The following CUBN variants were observed in gnomAD, a reference collection of about 807,000 sequenced individuals.
CUBN encodes 460 kDa receptor.
A neutral mutation model predicts 405.3 loss-of-function variants in CUBN; 282 were observed. The observed-to-expected ratio is 0.70, with a 90% CI of 0.63 to 0.77. The LOEUF (loss-of-function observed/expected upper bound fraction) is 0.77. CUBN is among the 30% of genes least tolerant of loss of function. CUBN has a pLI of 0.00. For synonymous variants in CUBN, 1,684 were observed against 1,617.0 expected (o/e 1.04, Z -0.99); for missense variants, 4,514 against 4,475.2 (o/e 1.01, Z -0.25).
intron 8 of CUBN, among the ~76,000 whole-genome samples, chr10:17,112,153 A>G: frequency 6.6e-6 from 1 of 152,280 alleles, no homozygotes; most frequent in East Asian, 1.9e-4. Flanking sequence ...TAAAATTATA[A>G]GAATTCTTAA....
chr10:17,108,576 T>C (rs1588647738), intron 10 of CUBN, among the ~76,000 whole-genome samples: 1 of 152,088 alleles, frequency 6.6e-6, no homozygotes, highest in East Asian at 1.9e-4. Context: ...ATGCTACGGA[T>C]AAAAAATACA....
At position 16,952,280 on chromosome 10, in the gene CUBN, A is replaced by G; in HGVS notation, c.4965T>C (p.Pro1655=). ...TTTTTCATTTTTGTTACTTACATGGAGGTTGCGCTTGAATGATCCAGCTGC... is the reference window on the plus strand; with the variant it reads ...TTTTTCATTTTTGTTACTTACATGGGGGTTGCGCTTGAATGATCCAGCTGC... The part of the protein sequence containing the change: ...QNCSWIIQAQ[P]PLNHITLSFT... The change falls in exon 33 of 67, where the codon CCT becomes CCC. Residue 1655 remains proline (P), a synonymous_variant. Transcript: ENST00000377833. 6.2e-7 allele frequency: 1 copy of G among 1,609,352 alleles called. No homozygotes were observed. Among genetic ancestry groups the G allele is most frequent in the Non-Finnish European group, 8.5e-7 (1 of 1,175,946 alleles).
chr10:17,119,299 C>T lies in CUBN; in HGVS notation c.593+3496G>A, dbSNP rs182829616. Among the ~76,000 whole-genome samples the T allele has an allele frequency of 1.9e-4, 29 of 152,294 alleles. No homozygotes were observed. The East Asian group carries it at 4.6e-3, about 24-fold the overall frequency. On this transcript the variant is annotated intron_variant, in intron 6 of 66. Transcript: ENST00000377833. ...CTGGAAAGCCTTCTAGATCTGAGCC[C>T]TAAATGTACAACACACACCATCCAT... is the stretch of plus-strand genomic sequence containing the variant.
intron 31 of CUBN, among the ~76,000 whole-genome samples, chr10:16,956,682 T>C (rs1292883403): frequency 6.6e-6 from 1 of 152,148 alleles, no homozygotes; most frequent in African/African-American, 2.4e-5. Flanking sequence ...AGTTTTAATA[T>C]CAAAGGATAA....
chr10:17,098,749 AT>A (rs1372645218), intron 14 of CUBN, among the ~76,000 whole-genome samples: 1 of 152,222 alleles, frequency 6.6e-6, no homozygotes, highest in Non-Finnish European at 1.5e-5. Context: ...AAAATCAAAT[AT>A]TTAAAAAATA....
chr10:16,940,132 G>A lies in CUBN; in HGVS notation c.5448C>T (p.Phe1816=), dbSNP rs1489553914. 4 of 1,613,970 alleles carry A rather than the reference G, an allele frequency of 2.5e-6. No individual in the cohort carries two copies. The highest frequency in any genetic ancestry group is 4.5e-5 in the East Asian group (2 of 44,896). The change falls in exon 37 of 67, where the codon TTC becomes TTT. Residue 1816 remains phenylalanine (F), a synonymous_variant. Coordinates refer to ENST00000377833, the MANE Select transcript of CUBN (RefSeq NM_001081.4). The stretch of plus-strand genomic sequence containing the variant: ...CAACGATGGAAGAATAATTGAGAGG[G>A]AAGGAGTTTCCACAGTATCGTCCCA... The part of the protein sequence containing the change: ...HLVGRYCGNS[F]PLNYSSIVGH...
chr10:17,119,375 G>A (rs1269722802), intron 6 of CUBN, among the ~76,000 whole-genome samples: 1 of 152,026 alleles, frequency 6.6e-6, no homozygotes, highest in African/African-American at 2.4e-5. Flanking sequence ...AGTAAGCAGG[G>A]GAGGCTGGGC....
chr10:17,006,584 A>G (rs893204244), intron 28 of CUBN, among the ~76,000 whole-genome samples: 2 of 152,186 alleles, frequency 1.3e-5, no homozygotes, highest in Non-Finnish European at 2.9e-5. Context: ...ACTCGAGAGA[A>G]AGAGACCTGG....
At chr10:16,949,462 TG>T (rs1564442058) in intron 34 of CUBN, among the ~76,000 whole-genome samples, 4 of 70,796 alleles carry the variant, frequency 5.7e-5, no homozygotes, top group Non-Finnish European at 1.3e-4. Flanking sequence ...TGTGTGTGTG[TG>T]TAGTGTGTGT....
chr10:16,951,795 T>C (rs1483899527), intron 33 of CUBN, among the ~76,000 whole-genome samples: 1 of 152,240 alleles, frequency 6.6e-6, no homozygotes, highest in Admixed American at 6.5e-5. Context: ...TTTGCTTTGA[T>C]GGATAGGTGC....
At chr10:17,042,949 T>A (rs1835049258) in intron 26 of CUBN, among the ~76,000 whole-genome samples, 1 of 152,140 alleles carries the variant, frequency 6.6e-6, no homozygotes, top group Non-Finnish European at 1.5e-5. Context: ...ATGGATAAAT[T>A]TTGATTCAGT....
At chr10:17,088,113 C>T (rs778293087) in intron 15 of CUBN, 51 bp downstream of exon 15, 19 of 1,458,068 alleles carry the variant, frequency 1.3e-5, no homozygotes, top group Non-Finnish European at 1.4e-5. Flanking sequence ...ACCATAGTGC[C>T]CTGAGTCCTA....
At position 16,950,099 on chromosome 10, in the gene CUBN, G is replaced by A. The variant is rs775843719; in HGVS notation, c.4982C>T (p.Thr1661Ile). 3 of 1,612,436 alleles carry A rather than the reference G, an allele frequency of 1.9e-6. No individual in the cohort carries two copies. The Admixed American group carries it at 5.0e-5, about 27-fold the overall frequency. Residue 1661 changes from threonine to isoleucine, a missense_variant, in exon 34 of 67, where the codon ACC becomes ATC. Thr to Ile is a moderately conservative substitution (Grantham distance 89). This residue lies in a region of CUBN where 1,613 missense variants were observed against 1,542.8 expected (regional missense o/e 1.05). Transcript: ENST00000377833. ...IQAQPPLNHI[T>I]LSFTHFELER... ...AAGTTCAAAGTGGGTAAAAGAGAGG[G>A]TGATATGATTTACTGGAAGAAAAAA...
At chr10:17,109,876 A>G (rs1564519033) in intron 9 of CUBN, 141 bp from the exon 10 acceptor site, 1 of 674,052 alleles carries the variant, frequency 1.5e-6, no homozygotes, top group Non-Finnish European at 2.7e-6. Flanking sequence ...ATAAAATGTC[A>G]TCAACAAATG....
At chr10:17,056,539 T>A (rs35288133) in intron 22 of CUBN, among the ~76,000 whole-genome samples, 23,800 of 150,622 alleles carry the variant, frequency 0.16, 2,250 homozygotes, top group Middle Eastern at 0.3. Flanking sequence ...AACCCGGGAG[T>A]CGGAGCTTGC....
intron 31 of CUBN, among the ~76,000 whole-genome samples, chr10:16,967,847 G>GGGAGAGAGAGAGAAGGAGAGAC (rs1843439605): frequency 1.4e-5 from 1 of 71,084 alleles, no homozygotes. Flanking sequence ...GAGAGACAGA[G>GGGAGAGAGAGAGAAGGAGAGAC]GGAGAGAGAG....
At chr10:17,042,557 TA>T (rs1286838442) in intron 26 of CUBN, among the ~76,000 whole-genome samples, 2 of 152,110 alleles carry the variant, frequency 1.3e-5, no homozygotes, top group Non-Finnish European at 2.9e-5. Flanking sequence ...AAGAAACCCT[TA>T]AACAATCTGA....
At chr10:16,856,902 G>T (rs979478871) in intron 59 of CUBN, among the ~76,000 whole-genome samples, 1 of 152,158 alleles carries the variant, frequency 6.6e-6, no homozygotes, top group Non-Finnish European at 1.5e-5. Context: ...AGGGAAATTC[G>T]AGCACACCTA....
chr10:17,078,724 G>A (rs1407070172), intron 17 of CUBN, among the ~76,000 whole-genome samples: 1 of 152,112 alleles, frequency 6.6e-6, no homozygotes, highest in African/African-American at 2.4e-5. Flanking sequence ...TACACATGAG[G>A]AAGCTGTGGC....
Sources: allele counts gnomAD v4.1 joint callset (sites outside exome capture counted in the v4.1 genomes callset), GRCh38; gene constraint gnomAD v4.1.1; regional missense constraint gnomAD v4.1.1; transcripts MANE v1.5; gene names NCBI Gene and HGNC (gene_info 2026-07-23, HGNC 2026-07-21).